The following PTPRN2 variants were observed in gnomAD, a reference collection of about 807,000 sequenced individuals.
PTPRN2 encodes the protein protein tyrosine phosphatase receptor type N2, also known as receptor-type tyrosine-protein phosphatase N2.
A neutral mutation model predicts 118.8 loss-of-function variants in PTPRN2; 74 were observed. The ratio of observed to expected loss-of-function variants is 0.62; its 90% CI spans 0.52 to 0.76. The LOEUF is 0.76. Among genes scored for constraint, PTPRN2 ranks in the 30% least tolerant of loss-of-function variants. The pLI, the probability that PTPRN2 is intolerant of heterozygous loss-of-function variation, is 0.00. For missense variants in PTPRN2, 1,481 were observed against 1,394.4 expected (o/e 1.06, Z -0.99); for synonymous variants, 641 against 608.0 (o/e 1.05, Z -0.80).
chr7:158,051,988 G>T (rs1222139971), intron 11 of PTPRN2, among the ~76,000 whole-genome samples: 1 of 152,134 alleles, frequency 6.6e-6, no homozygotes, highest in Admixed American at 6.5e-5. Context: ...ATAGACATTT[G>T]TCTCTCTTTG....
intron 3 of PTPRN2, among the ~76,000 whole-genome samples, chr7:158,282,704 CG>C (rs1180866427): frequency 6.7e-6 from 1 of 149,048 alleles, no homozygotes; most frequent in Non-Finnish European, 1.5e-5. Context: ...GCCGGACAGA[CG>C]GCTGATCCCT....
At chr7:157,973,720 T>A (rs1448947630) in intron 11 of PTPRN2, among the ~76,000 whole-genome samples, 1 of 152,232 alleles carries the variant, frequency 6.6e-6, no homozygotes, top group African/African-American at 2.4e-5. Flanking sequence ...GTAAGATTTT[T>A]AAAATCTGTA....
intron 3 of PTPRN2, among the ~76,000 whole-genome samples, chr7:158,266,068 G>T (rs113197717): frequency 5.3e-5 from 8 of 151,242 alleles, no homozygotes; most frequent in South Asian, 2.1e-4. Context: ...GACGGCGTCT[G>T]CTGCGGGGTA....
intron 6 of PTPRN2, among the ~76,000 whole-genome samples, chr7:158,155,745 T>TCAA (rs753866621): frequency 1.5e-4 from 22 of 142,984 alleles, no homozygotes; most frequent in Admixed American, 2.0e-4. Flanking sequence ...ATCACCATCA[T>TCAA]CACCATCACC....
chr7:157,792,564 G>A (rs1436746710), intron 12 of PTPRN2, among the ~76,000 whole-genome samples: 3 of 152,236 alleles, frequency 2.0e-5, no homozygotes, highest in African/African-American at 2.4e-5. Flanking sequence ...TCTGCTAGTC[G>A]TCTTTGCCTG....
intron 6 of PTPRN2, among the ~76,000 whole-genome samples, chr7:158,158,651 CGCAAGTGCTTT>C: frequency 7.4e-6 from 1 of 134,928 alleles, no homozygotes; most frequent in Admixed American, 7.3e-5. Context: ...GCCGGGACTT[CGCAAGTGCTTT>C]CTGAATGAAT....
intron 9 of PTPRN2, among the ~76,000 whole-genome samples, chr7:158,132,629 TAC>T (rs1818456052): frequency 6.6e-6 from 1 of 150,948 alleles, no homozygotes; most frequent in Non-Finnish European, 1.5e-5. Flanking sequence ...CACACTCATA[TAC>T]ACAGATGCAG....
intron 17 of PTPRN2, among the ~76,000 whole-genome samples, chr7:157,588,364 C>T (rs1009384528): frequency 2.6e-5 from 4 of 152,188 alleles, no homozygotes; most frequent in African/African-American, 7.2e-5. Context: ...GGAGGTGGTC[C>T]GTGATGGAAT....
chr7:158,285,861 A>C (rs573327033), intron 3 of PTPRN2, among the ~76,000 whole-genome samples: 1 of 152,344 alleles, frequency 6.6e-6, no homozygotes, highest in East Asian at 1.9e-4. Context: ...ACCTGTGTCC[A>C]CACCCCTCAG....
chr7:157,998,817 C>CAA (rs1213090372), intron 11 of PTPRN2, among the ~76,000 whole-genome samples: 964 of 59,034 alleles, frequency 0.016, 25 homozygotes, highest in African/African-American at 0.05. Context: ...TACTCCATCT[C>CAA]AAAAAAAAAA....
chr7:157,705,860 C>T (rs1482796450), intron 12 of PTPRN2, among the ~76,000 whole-genome samples: 2 of 151,862 alleles, frequency 1.3e-5, no homozygotes, highest in Non-Finnish European at 2.9e-5. Flanking sequence ...ATCACATCCC[C>T]CAGAATGCTG....
intron 12 of PTPRN2, among the ~76,000 whole-genome samples, chr7:157,755,249 T>C (rs1485839585): frequency 2.6e-5 from 4 of 152,218 alleles, no homozygotes; most frequent in African/African-American, 7.2e-5. Flanking sequence ...TTGAGATGTT[T>C]AGACTATTCA....
intron 2 of PTPRN2, among the ~76,000 whole-genome samples, chr7:158,337,756 G>A (rs376636622): frequency 2.1e-4 from 24 of 113,618 alleles, no homozygotes; most frequent in South Asian, 3.2e-4. Flanking sequence ...CACCATAAGA[G>A]GTGACACCTG....
At chr7:157,877,532 G>A (rs545937730) in intron 12 of PTPRN2, among the ~76,000 whole-genome samples, 5 of 152,036 alleles carry the variant, frequency 3.3e-5, no homozygotes, top group Admixed American at 6.5e-5. Context: ...GGGTTTCCTC[G>A]GGGATCCCAG....
chr7:158,527,070 C>T (rs991375315), intron 1 of PTPRN2, among the ~76,000 whole-genome samples: 5 of 152,138 alleles, frequency 3.3e-5, no homozygotes, highest in Non-Finnish European at 5.9e-5. Flanking sequence ...TCGAGACGTG[C>T]GCAGAAACTG....
Position 158,294,930 on chromosome 7 carries a change from C to T in PTPRN2, c.277+21889G>A, listed in dbSNP as rs540139980. On this transcript the variant is annotated intron_variant, in intron 3 of 22. Transcript: ENST00000389418. ...CAGACACTGCGCCACTTTCCACGCGCGTGGTTCACCCACCTTTCTGAGGGT... is the reference window on the plus strand; with the variant it reads ...CAGACACTGCGCCACTTTCCACGCGTGTGGTTCACCCACCTTTCTGAGGGT... Among the ~76,000 whole-genome samples the T allele has an allele frequency of 2.3e-3, 322 of 139,740 alleles. 1 individual carries two copies. Among genetic ancestry groups the T allele is most frequent in the African/African-American group, 8.3e-3 (301 of 36,482 alleles). The allele number at this position is 139,740 out of a possible 152,430, so 91.7% of individuals were successfully genotyped here.
intron 4 of PTPRN2, among the ~76,000 whole-genome samples, chr7:158,194,555 G>A (rs549325536): frequency 2.6e-5 from 4 of 152,290 alleles, no homozygotes; most frequent in African/African-American, 9.6e-5. Flanking sequence ...CACAGGCCCC[G>A]GCGTCATGCC....
rs1827531258 is a variant in PTPRN2, at chr7:158,563,935, G to A, written c.112+23623C>T. ...AAGTGGTTAGAACTTGGGCTCTGATGCCACAGTGCCTGGGATGTCTACGAA... is the reference window on the plus strand; with the variant it reads ...AAGTGGTTAGAACTTGGGCTCTGATACCACAGTGCCTGGGATGTCTACGAA... On this transcript the variant is annotated intron_variant, in intron 1 of 22. Coordinates refer to ENST00000389418, the MANE Select transcript of PTPRN2 (RefSeq NM_002847.5). This position sits in a 1 kb window ranked among gnomAD's most constrained non-coding sequence, Gnocchi z 5.1. Among the ~76,000 whole-genome samples the A allele has an allele frequency of 6.6e-6, 1 of 152,224 alleles. No homozygotes were observed.
At chr7:158,503,431 A>G (rs1379326913) in intron 1 of PTPRN2, among the ~76,000 whole-genome samples, 1 of 152,240 alleles carries the variant, frequency 6.6e-6, no homozygotes, top group African/African-American at 2.4e-5. Flanking sequence ...AGGAAAAAAG[A>G]AAGCAGAAGA....
Sources: allele counts gnomAD v4.1 joint callset (sites outside exome capture counted in the v4.1 genomes callset), GRCh38; gene constraint gnomAD v4.1.1; non-coding constraint Gnocchi (gnomAD v3.1); transcripts MANE v1.5; gene names NCBI Gene and HGNC (gene_info 2026-07-23, HGNC 2026-07-21).